The following RERE variants were observed in gnomAD, a reference collection of about 807,000 sequenced individuals.
RERE encodes the protein arginine-glutamic acid dipeptide repeats, also known as arginine-glutamic acid dipeptide repeats protein.
RERE carries 40 observed loss-of-function variants against 146.1 expected under a neutral mutation model. The observed-to-expected ratio is 0.27, with a 90% CI of 0.21 to 0.36. The LOEUF (loss-of-function observed/expected upper bound fraction) is 0.36, where lower values mean the gene tolerates loss of function less well. Ranked by LOEUF, RERE falls within the 10% of genes least tolerant of loss-of-function variation. The pLI is 1.00. For synonymous variants in RERE, 1,003 were observed against 866.0 expected (o/e 1.16, Z -2.78); for missense variants, 1,933 against 2,138.7 (o/e 0.90, Z 1.90).
chr1:8,743,426 ATTTT>A (rs35763675), intron 1 of RERE, among the ~76,000 whole-genome samples: 2 of 122,934 alleles, frequency 1.6e-5, no homozygotes, highest in East Asian at 2.4e-4. Flanking sequence ...CTACAGGCTA[ATTTT>A]TTTTTTTTTT....
At chr1:8,437,646 G>C (rs988423426) in intron 11 of RERE, among the ~76,000 whole-genome samples, 3 of 152,040 alleles carry the variant, frequency 2.0e-5, no homozygotes, top group African/African-American at 7.2e-5. Flanking sequence ...TGACAATATT[G>C]GTAATACGGG....
At chr1:8,671,100 T>C (rs769349521) in intron 1 of RERE, among the ~76,000 whole-genome samples, 1 of 152,204 alleles carries the variant, frequency 6.6e-6, no homozygotes, top group Non-Finnish European at 1.5e-5. Context: ...ATGTGTTGAG[T>C]GGTCAGAAAG....
At chr1:8,721,318 T>C (rs549873940) in intron 1 of RERE, among the ~76,000 whole-genome samples, 3 of 152,086 alleles carry the variant, frequency 2.0e-5, no homozygotes, top group Non-Finnish European at 4.4e-5. Flanking sequence ...GACTTTTTTA[T>C]TATTATTTTT....
At chr1:8,622,097 T>TATTAGACCA (rs899167631) in intron 3 of RERE, among the ~76,000 whole-genome samples, 5 of 152,210 alleles carry the variant, frequency 3.3e-5, no homozygotes, top group Admixed American at 6.5e-5. Context: ...TAATGTGTTG[T>TATTAGACCA]ATTAGACCAA....
chr1:8,438,615 C>T (rs1179168419), intron 11 of RERE, among the ~76,000 whole-genome samples: 2 of 152,096 alleles, frequency 1.3e-5, no homozygotes, highest in Non-Finnish European at 2.9e-5. Flanking sequence ...GAGAGCTGGG[C>T]TCTGATTCAA....
At chr1:8,593,933 A>G (rs1646524940) in intron 4 of RERE, among the ~76,000 whole-genome samples, 1 of 152,178 alleles carries the variant, frequency 6.6e-6, no homozygotes, top group Admixed American at 6.6e-5. Context: ...CCTGAGGTTT[A>G]GGTCACTCTA....
intron 1 of RERE, among the ~76,000 whole-genome samples, chr1:8,688,052 C>T (rs1639129651): frequency 6.6e-6 from 1 of 152,162 alleles, no homozygotes; most frequent in Non-Finnish European, 1.5e-5. Context: ...TTAAGAGGGT[C>T]TAACATACGA....
intron 1 of RERE, among the ~76,000 whole-genome samples, chr1:8,671,440 G>C (rs1410723349): frequency 6.6e-6 from 1 of 152,168 alleles, no homozygotes; most frequent in Non-Finnish European, 1.5e-5. Context: ...CCAAACCGCT[G>C]AAGTCCTTCC....
intron 1 of RERE, among the ~76,000 whole-genome samples, chr1:8,788,468 G>A (rs559772409): frequency 4.6e-5 from 7 of 150,812 alleles, no homozygotes; most frequent in African/African-American, 1.7e-4. Context: ...AAGTTCAAGC[G>A]ATTCTCCTGC....
intron 15 of RERE, chr1:8,363,835 C>T (rs1641691653): frequency 1.7e-6 from 1 of 583,478 alleles, no homozygotes; most frequent in Non-Finnish European, 3.1e-6. Flanking sequence ...GAGCTTGCTA[C>T]AAAACCCAGA....
At chr1:8,461,943 C>G (rs1466920369) in intron 11 of RERE, among the ~76,000 whole-genome samples, 1 of 152,126 alleles carries the variant, frequency 6.6e-6, no homozygotes, top group Non-Finnish European at 1.5e-5. Context: ...CCCCTGGACT[C>G]AAGCGATTCT....
chr1:8,609,813 G>A (rs1258511546), intron 4 of RERE, among the ~76,000 whole-genome samples: 8 of 152,166 alleles, frequency 5.3e-5, no homozygotes, highest in Non-Finnish European at 2.9e-5. Context: ...CTTACTAATG[G>A]TAAGTGCCTT....
intron 1 of RERE, among the ~76,000 whole-genome samples, chr1:8,766,395 C>A (rs1183000152): frequency 1.3e-5 from 2 of 151,880 alleles, no homozygotes; most frequent in African/African-American, 4.8e-5. Context: ...AAAAAATTAG[C>A]TGGATGTAGT....
rs547802844 is a variant in RERE, at chr1:8,434,156, A to G, written c.1204-11349T>C. On this transcript the variant is annotated intron_variant, in intron 11 of 22. Transcript: ENST00000400908. ...TAGCAACCCCCAGTTAAGATTAGCT[A>G]TAGAAACATAACACAAAGGGTGACT... Among the ~76,000 whole-genome samples the G allele has an allele frequency of 4.6e-5, 7 of 152,292 alleles. No homozygotes were observed. In the East Asian group the frequency reaches 1.4e-3, roughly 29 times the overall value.
At chr1:8,660,084 A>G (rs928454223) in intron 1 of RERE, among the ~76,000 whole-genome samples, 4 of 151,950 alleles carry the variant, frequency 2.6e-5, no homozygotes, top group East Asian at 1.9e-4. Context: ...AATTAATACC[A>G]TATCATTTAT....
rs562318857 is a variant in RERE at position 8,405,374 on chromosome 1, G to A, written c.1284+17353C>T. On this transcript the variant is annotated intron_variant, in intron 12 of 22. Coordinates refer to ENST00000400908, the MANE Select transcript of RERE (RefSeq NM_001042681.2). ...AATACCCCAGAAACTGAAAATAAAT[G>A]ATCAAAACTAGAAGTTGGTTAATAA... is the stretch of plus-strand genomic sequence containing the variant. Among the ~76,000 whole-genome samples the A allele has an allele frequency of 3.3e-5, 5 of 152,170 alleles. No individual in the cohort carries two copies. The South Asian group carries it at 1.0e-3, about 32-fold the overall frequency.
chr1:8,774,947 CTTTCTTTTTTTTTTTTTTTTTTTT>C (rs1641034667), intron 1 of RERE, among the ~76,000 whole-genome samples: 1 of 111,498 alleles, frequency 9.0e-6, no homozygotes, highest in South Asian at 3.0e-4. Flanking sequence ...TTTCTTCTTT[CTTTCTTTTTTTTTTTTTTTTTTTT>C]TTTTTTTTTT....
chr1:8,358,362 G>C lies in RERE; in HGVS notation c.4173C>G (p.Ser1391Arg). 6.2e-7 allele frequency: 1 copy of C among 1,610,964 alleles called. No individual in the cohort carries two copies. The highest frequency in any genetic ancestry group is 8.5e-7 in the Non-Finnish European group (1 of 1,178,042). The change falls in exon 20 of 23, where the codon AGC (serine) becomes AGG (arginine). Residue 1391 changes from serine to arginine, a missense_variant. Coordinates refer to ENST00000400908, the MANE Select transcript of RERE (RefSeq NM_001042681.2). ...GCTCGGCTGCCAGTCTGTCAGGGTA[G>C]CTCATCTCGGGCCGCAGCTGGGGGC... is the stretch of plus-strand genomic sequence containing the variant. ...LAGPQLRPEM[S>R]YPDRLAAERI...
At chr1:8,603,127 A>G (rs1646654158) in intron 4 of RERE, among the ~76,000 whole-genome samples, 1 of 152,248 alleles carries the variant, frequency 6.6e-6, no homozygotes, top group African/African-American at 2.4e-5. Context: ...ATACCTTAAT[A>G]TTTTTAACAT....
Sources: allele counts gnomAD v4.1 joint callset (sites outside exome capture counted in the v4.1 genomes callset), GRCh38; gene constraint gnomAD v4.1.1; transcripts MANE v1.5; gene names NCBI Gene and HGNC (gene_info 2026-07-23, HGNC 2026-07-21).